Variants in CTNNA3 observed in about 807,000 individuals in gnomAD.
CTNNA3 encodes the protein catenin alpha 3.
CTNNA3 carries 76 observed loss-of-function variants against 95.7 expected under a neutral mutation model. The observed-to-expected ratio is 0.79, with a 90% CI of 0.66 to 0.96. The LOEUF (loss-of-function observed/expected upper bound fraction) is 0.96. Among genes scored for constraint, CTNNA3 ranks in the 40% least tolerant of loss-of-function variants. The pLI is 0.00. For missense variants in CTNNA3, 1,191 were observed against 1,089.8 expected (o/e 1.09, Z -1.31); for synonymous variants, 431 against 374.4 (o/e 1.15, Z -1.74).
At chr10:66,390,464 G>T (rs142818015) in intron 11 of CTNNA3, among the ~76,000 whole-genome samples, 52 of 152,140 alleles carry the variant, frequency 3.4e-4, no homozygotes, top group African/African-American at 1.2e-3. Flanking sequence ...ATGCAAAATC[G>T]ATTGAATTTT....
chr10:66,653,170 C>T (rs1225777864), intron 9 of CTNNA3, among the ~76,000 whole-genome samples: 2 of 152,056 alleles, frequency 1.3e-5, no homozygotes, highest in Non-Finnish European at 2.9e-5. Context: ...AAGAGGAAGT[C>T]AAATTGCCCC....
chr10:65,948,235 CAT>C (rs1346323848), intron 17 of CTNNA3, among the ~76,000 whole-genome samples: 1 of 140,366 alleles, frequency 7.1e-6, no homozygotes, highest in African/African-American at 2.7e-5. Context: ...GAGCCGAGAT[CAT>C]GCCACTGCAC....
chr10:66,289,722 C>T (rs2091647636), intron 12 of CTNNA3, among the ~76,000 whole-genome samples: 1 of 151,962 alleles, frequency 6.6e-6, no homozygotes, highest in South Asian at 2.1e-4. Flanking sequence ...TGAATTTCCA[C>T]ATGTTGGTTT....
intron 7 of CTNNA3, among the ~76,000 whole-genome samples, chr10:66,916,742 T>G (rs1846513018): frequency 6.6e-6 from 1 of 152,128 alleles, no homozygotes; most frequent in Non-Finnish European, 1.5e-5. Context: ...AAGGAGGTGC[T>G]GGGGGGAAAT....
intron 7 of CTNNA3, among the ~76,000 whole-genome samples, chr10:66,776,531 A>T (rs538014226): frequency 1.3e-5 from 2 of 152,318 alleles, no homozygotes; most frequent in Admixed American, 1.3e-4. Context: ...CCCTAACAAG[A>T]AATTTAAAAA....
chr10:67,526,408 A>C (rs372839463), intron 4 of CTNNA3, among the ~76,000 whole-genome samples: 23 of 151,996 alleles, frequency 1.5e-4, no homozygotes, highest in East Asian at 9.7e-4. Context: ...ACATAGAGCA[A>C]AATTGGGCTT....
chr10:67,392,536 C>A (rs928120499), intron 5 of CTNNA3, among the ~76,000 whole-genome samples: 5 of 152,170 alleles, frequency 3.3e-5, no homozygotes, highest in Non-Finnish European at 5.9e-5. Flanking sequence ...TACCATTTGA[C>A]CCAGCCATCC....
At chr10:67,463,645 T>C (rs1264424631) in intron 5 of CTNNA3, among the ~76,000 whole-genome samples, 1 of 152,206 alleles carries the variant, frequency 6.6e-6, no homozygotes, top group Non-Finnish European at 1.5e-5. Flanking sequence ...CAAACCAGCA[T>C]CTACAACTAT....
chr10:67,237,122 GTATGTATATATATATATATATATATATA>G lies in CTNNA3; in HGVS notation c.580-17280_580-17253del, dbSNP rs1198551403. 6.9e-3 allele frequency among the ~76,000 whole-genome samples: 550 copies of G among 79,620 alleles called. 29 individuals are homozygous for G. The highest frequency in any genetic ancestry group is 0.018 in the East Asian group (39 of 2,206). 52.2% of individuals were successfully genotyped at this position (79,620 alleles called of 152,430 possible). A position where few individuals can be genotyped will look rare whatever the true frequency, so the allele number is the denominator to read the frequency against. ...AATGAGTGGATAAAGAAACTATGGT[GTATGTATATATATATATATATATATATA>G]TATATATATATATATATATATATAC... On this transcript the variant is annotated intron_variant, in intron 5 of 17. Coordinates refer to ENST00000433211, the MANE Select transcript of CTNNA3 (RefSeq NM_013266.4).
intron 15 of CTNNA3, among the ~76,000 whole-genome samples, chr10:66,047,742 G>A (rs1237833326): frequency 1.3e-5 from 2 of 152,076 alleles, no homozygotes; most frequent in African/African-American, 4.8e-5. Flanking sequence ...CAAAGTGTCA[G>A]CCCAAAATCT....
intron 5 of CTNNA3, among the ~76,000 whole-genome samples, chr10:67,283,713 T>G (rs1023800947): frequency 6.6e-6 from 1 of 152,202 alleles, no homozygotes; most frequent in African/African-American, 2.4e-5. Flanking sequence ...GCTCTAAAAC[T>G]TTTTAATAAA....
chr10:67,463,868 T>C (rs1374626424), intron 5 of CTNNA3, among the ~76,000 whole-genome samples: 1 of 152,180 alleles, frequency 6.6e-6, no homozygotes, highest in Non-Finnish European at 1.5e-5. Context: ...CAAACAGAGA[T>C]CTGTATTTGG....
Position 67,168,864 on chromosome 10 carries a change from T to C in CTNNA3, c.1047+11453A>G, listed in dbSNP as rs1564938428. Among the ~76,000 whole-genome samples the C allele has an allele frequency of 3.9e-5, 6 of 152,306 alleles. No individual in the cohort carries two copies. The South Asian group carries it at 1.2e-3, about 32-fold the overall frequency. ...CTATCTCTGTTAGCAGATGACATGA[T>C]TCTATATGTAGAAAACCCCATACCC... On this transcript the variant is annotated intron_variant, in intron 7 of 17. Coordinates refer to ENST00000433211, the MANE Select transcript of CTNNA3 (RefSeq NM_013266.4).
chr10:67,223,623 A>G (rs1444297469), intron 5 of CTNNA3, among the ~76,000 whole-genome samples: 1 of 152,246 alleles, frequency 6.6e-6, no homozygotes, highest in African/African-American at 2.4e-5. Context: ...GTAACATATG[A>G]GTTTTAACCC....
chr10:67,722,866 G>A (rs1841187425), intron 1 of CTNNA3, among the ~76,000 whole-genome samples: 2 of 151,808 alleles, frequency 1.3e-5, no homozygotes. Flanking sequence ...TTTAAATGTT[G>A]ATGAAATAGA....
intron 1 of CTNNA3, among the ~76,000 whole-genome samples, chr10:67,674,547 C>T (rs1840501106): frequency 6.6e-6 from 1 of 152,112 alleles, no homozygotes; most frequent in Admixed American, 6.6e-5. Flanking sequence ...CTCCAAAAAA[C>T]ACCACCAGCA....
At chr10:66,906,205 C>A (rs562855513) in intron 7 of CTNNA3, among the ~76,000 whole-genome samples, 105 of 152,204 alleles carry the variant, frequency 6.9e-4, no homozygotes, top group African/African-American at 2.5e-3. Flanking sequence ...TCAATCTTAA[C>A]ACCATAACGA....
intron 7 of CTNNA3, among the ~76,000 whole-genome samples, chr10:67,105,925 T>A (rs1241026308): frequency 6.6e-6 from 1 of 152,196 alleles, no homozygotes; most frequent in Non-Finnish European, 1.5e-5. Context: ...TTGGATGTGA[T>A]GGAAACTTAA....
At chr10:67,062,597 G>T (rs1468867986) in intron 7 of CTNNA3, among the ~76,000 whole-genome samples, 1 of 152,052 alleles carries the variant, frequency 6.6e-6, no homozygotes, top group African/African-American at 2.4e-5. Flanking sequence ...AAAATTGGGT[G>T]GGGAAACATC....
Sources: gnomAD v4.1 joint callset for allele counts (sites outside exome capture counted in the v4.1 genomes callset) on GRCh38, gnomAD v4.1.1 for gene constraint, MANE v1.5 for transcripts, NCBI Gene and HGNC (gene_info 2026-07-23, HGNC 2026-07-21) for gene names.